The following PDE10A variants were observed in gnomAD, a reference collection of about 807,000 sequenced individuals.
The protein encoded by PDE10A is cAMP and cAMP-inhibited cGMP 3',5'-cyclic phosphodiesterase 10A.
In PDE10A, 39 loss-of-function variants were observed where a neutral mutation model predicts 97.7. That is an observed-to-expected ratio of 0.40 (90% CI 0.31 to 0.52). The LOEUF (loss-of-function observed/expected upper bound fraction) is 0.52, where lower values mean the gene tolerates loss of function less well. Ranked by LOEUF, PDE10A falls within the 20% of genes least tolerant of loss-of-function variation. The probability of loss-of-function intolerance (pLI) is 0.56; values close to 1 mark genes in which losing one functional copy is unlikely to be tolerated. For missense variants in PDE10A, 731 were observed against 1,047.8 expected (o/e 0.70, Z 4.17); for synonymous variants, 371 against 376.8 (o/e 0.98, Z 0.18).
At chr6:165,631,596 T>C (rs1788632701) in intron 1 of PDE10A, among the ~76,000 whole-genome samples, 1 of 152,286 alleles carries the variant, frequency 6.6e-6, no homozygotes, top group Non-Finnish European at 1.5e-5. Context: ...ATTATTTGTA[T>C]GTCTGAATTA....
intron 15 of PDE10A, among the ~76,000 whole-genome samples, chr6:165,394,197 C>A (rs1293477727): frequency 6.6e-6 from 1 of 152,092 alleles, no homozygotes; most frequent in East Asian, 1.9e-4. Flanking sequence ...TGCTATTTCT[C>A]CTAATGCTAT....
chr6:165,381,585 C>T (rs986075299), intron 17 of PDE10A, among the ~76,000 whole-genome samples: 1 of 151,876 alleles, frequency 6.6e-6, no homozygotes, highest in Non-Finnish European at 1.5e-5. Context: ...CTGCCTCAGC[C>T]TCTAGAGTAG....
chr6:165,581,096 A>G (rs2128355015), intron 1 of PDE10A, among the ~76,000 whole-genome samples: 1 of 152,364 alleles, frequency 6.6e-6, no homozygotes, highest in East Asian at 1.9e-4. Context: ...CCATGGAGAA[A>G]ATAAGAGGTA....
chr6:165,550,301 G>A (rs747695230), intron 1 of PDE10A, among the ~76,000 whole-genome samples: 4 of 152,060 alleles, frequency 2.6e-5, no homozygotes, highest in Non-Finnish European at 5.9e-5. Flanking sequence ...TAAGGTATAC[G>A]TAACCAATAA....
At chr6:165,690,698 T>C (rs1318151470) in intron 1 of PDE10A, among the ~76,000 whole-genome samples, 3 of 152,248 alleles carry the variant, frequency 2.0e-5, no homozygotes, top group Admixed American at 6.5e-5. Context: ...TGGTACTTCT[T>C]GCCTCCAAGG....
intron 3 of PDE10A, among the ~76,000 whole-genome samples, chr6:165,465,518 G>C (rs1455096754): frequency 6.6e-6 from 1 of 152,140 alleles, no homozygotes; most frequent in Non-Finnish European, 1.5e-5. Flanking sequence ...CACTGTATTA[G>C]TTCCTTCTCA....
At chr6:165,860,238 G>A (rs1002577908) in intron 1 of PDE10A, among the ~76,000 whole-genome samples, 1 of 152,026 alleles carries the variant, frequency 6.6e-6, no homozygotes, top group African/African-American at 2.4e-5. Flanking sequence ...TGGATCACAT[G>A]AGGTTGAGAG....
chr6:165,563,344 A>C lies in PDE10A; in HGVS notation c.866-19776T>G, dbSNP rs914784003. On this transcript the variant is annotated intron_variant, in intron 1 of 21. Transcript: ENST00000539869. Reference sequence around the variant, plus strand: ...TATTGCATTGTAGATAAATAAACTTAAGCAATTTGCTTCTAATTCCCAATT... The same window carrying C: ...TATTGCATTGTAGATAAATAAACTTCAGCAATTTGCTTCTAATTCCCAATT... Among the ~76,000 whole-genome samples the C allele has an allele frequency of 3.9e-5, 6 of 152,126 alleles. No homozygotes were observed. In the South Asian group the frequency reaches 1.2e-3, roughly 32 times the overall value.
chr6:165,376,958 C>T (rs1784643423), intron 18 of PDE10A, among the ~76,000 whole-genome samples: 1 of 152,102 alleles, frequency 6.6e-6, no homozygotes, highest in Non-Finnish European at 1.5e-5. Context: ...GCATCCCTAC[C>T]GTTCTATGAT....
intron 1 of PDE10A, among the ~76,000 whole-genome samples, chr6:165,862,926 C>T (rs555330317): frequency 5.3e-4 from 81 of 152,202 alleles, no homozygotes; most frequent in Admixed American, 2.3e-3. Context: ...GTGATCTGCC[C>T]GCCTTTGCTT....
At chr6:165,870,864 TATC>T (rs1781187578) in intron 1 of PDE10A, among the ~76,000 whole-genome samples, 1 of 152,128 alleles carries the variant, frequency 6.6e-6, no homozygotes, top group South Asian at 2.1e-4. Context: ...GAAAGCAAAA[TATC>T]ATGTTCTCAC....
At chr6:165,381,665 T>C (rs1322784721) in intron 17 of PDE10A, among the ~76,000 whole-genome samples, 1 of 144,108 alleles carries the variant, frequency 6.9e-6, no homozygotes, top group Non-Finnish European at 1.5e-5. Flanking sequence ...GTATTTTTAG[T>C]AGAGACGGAG....
rs182026730 is a variant in PDE10A at position 165,352,705 on chromosome 6, T to C, written c.2784-9203A>G. On this transcript the variant is annotated intron_variant, in intron 18 of 21. Coordinates refer to ENST00000539869, the MANE Select transcript of PDE10A (RefSeq NM_001385079.1). ...CCTTAGAACCTTTAGAAAACTTAAT[T>C]CAAAATGGATCACAACCTTAAATAT... 1.7e-3 allele frequency among the ~76,000 whole-genome samples: 258 copies of C among 150,812 alleles called. 1 individual carries two copies. Among genetic ancestry groups the C allele is most frequent in the Non-Finnish European group, 2.8e-3 (187 of 67,716 alleles).
At chr6:165,934,961 A>G (rs1022734259) in intron 1 of PDE10A, among the ~76,000 whole-genome samples, 1 of 152,216 alleles carries the variant, frequency 6.6e-6, no homozygotes, top group Non-Finnish European at 1.5e-5. Flanking sequence ...AGTGTGTGAA[A>G]AAAATAGCAA....
At chr6:165,344,632 T>C (rs1196983323) in intron 18 of PDE10A, among the ~76,000 whole-genome samples, 1 of 152,200 alleles carries the variant, frequency 6.6e-6, no homozygotes, top group East Asian at 1.9e-4. Flanking sequence ...GCTCTAGTAG[T>C]GCTCTTAGCA....
chr6:165,523,172 A>G (rs1449372367), intron 2 of PDE10A, among the ~76,000 whole-genome samples: 1 of 152,164 alleles, frequency 6.6e-6, no homozygotes, highest in Admixed American at 6.5e-5. Flanking sequence ...AAGAAACAAT[A>G]TAATTAAAAT....
intron 1 of PDE10A, among the ~76,000 whole-genome samples, chr6:165,865,878 A>T (rs943521962): frequency 1.3e-5 from 2 of 151,978 alleles, no homozygotes; most frequent in African/African-American, 2.4e-5. Flanking sequence ...AATAATAGCT[A>T]AAAAAAATTA....
chr6:165,399,453 T>C (rs1786455163), intron 13 of PDE10A, among the ~76,000 whole-genome samples: 1 of 152,196 alleles, frequency 6.6e-6, no homozygotes. Context: ...TTATTATACT[T>C]TAAGTTTTAG....
chr6:165,865,201 T>C (rs760987003), intron 1 of PDE10A, among the ~76,000 whole-genome samples: 1 of 152,212 alleles, frequency 6.6e-6, no homozygotes, highest in Non-Finnish European at 1.5e-5. Flanking sequence ...TGAATACAAC[T>C]GAAGAAATCA....
Sources: gnomAD v4.1 joint callset for allele counts (sites outside exome capture counted in the v4.1 genomes callset) on GRCh38, gnomAD v4.1.1 for gene constraint, MANE v1.5 for transcripts, NCBI Gene and HGNC (gene_info 2026-07-23, HGNC 2026-07-21) for gene names.